ETS1: variants seen among roughly 807,000 people sequenced by gnomAD.
ETS1 encodes the protein protein C-ets-1.
A neutral mutation model predicts 58.6 loss-of-function variants in ETS1; 15 were observed. The observed-to-expected ratio is 0.26, with a 90% confidence interval of 0.17 to 0.39. ETS1 has a LOEUF of 0.39. ETS1 is among the 10% of genes least tolerant of loss of function. The pLI is 1.00. For synonymous variants in ETS1, 214 were observed against 218.2 expected, an observed-to-expected ratio of 0.98 and a Z score of 0.17; for missense variants, 417 against 610.5, an observed-to-expected ratio of 0.68 and a Z score of 3.34.
At position 128,486,102 on chromosome 11, in the gene ETS1, G is replaced by C; in HGVS notation, c.580C>G (p.Pro194Ala). ...YQVNGVNPAY[P>A]ESRYTSDYFI... ...TAATCCGAGGTATAGCGGGATTCTGGATAGGCTGGGTTGACTCCATTAACT... is the reference window on the plus strand; with the variant it reads ...TAATCCGAGGTATAGCGGGATTCTGCATAGGCTGGGTTGACTCCATTAACT... The change falls in exon 6 of 10, where the codon CCA becomes GCA. Residue 194 changes from proline (P) to alanine (A), a missense_variant. Pro to Ala is a conservative substitution (Grantham distance 27). This residue lies in a region of ETS1 where 132 missense variants were observed against 212.1 expected (regional missense o/e 0.62). Coordinates refer to ENST00000392668, the MANE Select transcript of ETS1 (RefSeq NM_001143820.2). 1 of 1,611,834 alleles carries C rather than the reference G, an allele frequency of 6.2e-7. No individual in the cohort carries two copies. The highest frequency in any genetic ancestry group is 8.5e-7 in the Non-Finnish European group (1 of 1,177,998).
At chr11:128,577,059 C>G (rs1321678900) in intron 1 of ETS1, among the ~76,000 whole-genome samples, 1 of 152,212 alleles carries the variant, frequency 6.6e-6, no homozygotes, top group Admixed American at 6.5e-5. Context: ...TGAAGGCAGG[C>G]ACCATGCCTT....
chr11:128,481,300 A>T (rs1261553468), intron 7 of ETS1, among the ~76,000 whole-genome samples: 1 of 152,226 alleles, frequency 6.6e-6, no homozygotes, highest in Non-Finnish European at 1.5e-5. Context: ...AGGCATTCTT[A>T]ACTGACCACA....
intron 3 of ETS1, among the ~76,000 whole-genome samples, chr11:128,490,972 G>A (rs935300564): frequency 2.0e-5 from 3 of 151,786 alleles, no homozygotes; most frequent in Non-Finnish European, 4.4e-5. Context: ...CACCTGCCTC[G>A]GCCTCCCAAA....
chr11:128,532,978 T>G (rs1357142040), intron 3 of ETS1, among the ~76,000 whole-genome samples: 1 of 152,200 alleles, frequency 6.6e-6, no homozygotes, highest in Non-Finnish European at 1.5e-5. Flanking sequence ...CTGATTAGCT[T>G]TCCTCTGTCA....
intron 8 of ETS1, among the ~76,000 whole-genome samples, chr11:128,471,553 C>G (rs1157348770): frequency 6.6e-6 from 1 of 152,248 alleles, no homozygotes; most frequent in Non-Finnish European, 1.5e-5. Context: ...CAAACTTGGA[C>G]AGTGAGCCAG....
At chr11:128,584,702 A>C (rs542379171) in intron 1 of ETS1, among the ~76,000 whole-genome samples, 2 of 152,298 alleles carry the variant, frequency 1.3e-5, no homozygotes, top group East Asian at 3.9e-4. Flanking sequence ...ATGAGGAAGC[A>C]AAAAGTAAGT....
At chr11:128,474,711 T>A (rs1200670304) in intron 8 of ETS1, among the ~76,000 whole-genome samples, 3 of 152,158 alleles carry the variant, frequency 2.0e-5, no homozygotes, top group African/African-American at 7.2e-5. Context: ...GTGAATGGAA[T>A]CCCTGCCAGC....
chr11:128,508,071 G>A (rs542302376), intron 3 of ETS1, among the ~76,000 whole-genome samples: 20 of 152,308 alleles, frequency 1.3e-4, no homozygotes, highest in Admixed American at 2.0e-4. Context: ...GTAAGAATGC[G>A]TGAGAGGCAT....
At chr11:128,535,585 T>C (rs1412892096) in intron 3 of ETS1, among the ~76,000 whole-genome samples, 1 of 152,218 alleles carries the variant, frequency 6.6e-6, no homozygotes, top group Non-Finnish European at 1.5e-5. Flanking sequence ...AAAATAGATT[T>C]TGAACTCTGC....
intron 3 of ETS1, chr11:128,526,916 AATT>A (rs1264617744): frequency 2.2e-6 from 1 of 456,102 alleles, no homozygotes; most frequent in Non-Finnish European, 4.4e-6. Flanking sequence ...TGAGTGAGGA[AATT>A]ATTATTTCCA....
chr11:128,464,355 G>GACACACACACAC lies in ETS1; in HGVS notation c.1124-740_1124-729dup, dbSNP rs58228263. On this transcript the variant is annotated intron_variant, in intron 8 of 9. Transcript: ENST00000392668. This position sits in a 1 kb window ranked among gnomAD's most constrained non-coding sequence, Gnocchi z 4.1. ...CATAGGTTCAGTATATTCTAAATTAGACACACACACACACACACACACACA... is the reference window on the plus strand; with the variant it reads ...CATAGGTTCAGTATATTCTAAATTAGACACACACACACACACACACACACACACACACACACA... 1.9e-4 allele frequency among the ~76,000 whole-genome samples: 28 copies of GACACACACACAC among 145,014 alleles called. No homozygotes were observed. Among genetic ancestry groups the GACACACACACAC allele is most frequent in the South Asian group, 2.3e-4 (1 of 4,360 alleles).
intron 3 of ETS1, among the ~76,000 whole-genome samples, chr11:128,517,259 G>A (rs949729506): frequency 1.3e-5 from 2 of 152,190 alleles, no homozygotes; most frequent in South Asian, 2.1e-4. Context: ...CCAAAGCACC[G>A]ACCAGCATTG....
chr11:128,497,690 G>A, intron 3 of ETS1: 1 of 491,268 alleles, frequency 2.0e-6, no homozygotes, highest in Non-Finnish European at 2.6e-6. Context: ...AGACAAAAGG[G>A]ATTGCAGGCA....
At chr11:128,476,263 G>A (rs764180767) in intron 8 of ETS1, among the ~76,000 whole-genome samples, 5 of 152,178 alleles carry the variant, frequency 3.3e-5, no homozygotes, top group East Asian at 1.9e-4. Context: ...AATTCTGGAC[G>A]GAAGCCAAGG....
At chr11:128,567,445 A>G (rs1034554014) in intron 2 of ETS1, among the ~76,000 whole-genome samples, 2 of 152,252 alleles carry the variant, frequency 1.3e-5, no homozygotes, top group African/African-American at 4.8e-5. Flanking sequence ...TCCAATTTAT[A>G]CAACATTGAA....
In ETS1 at chr11:128,537,766, T is replaced by TC. The variant is rs138162261; in HGVS notation, c.214+18524dup. Among the ~76,000 whole-genome samples the TC allele has an allele frequency of 6.1e-3, 930 of 152,280 alleles. 8 individuals are homozygous for TC. Among genetic ancestry groups the TC allele is most frequent in the African/African-American group, 0.021 (881 of 41,552 alleles). On this transcript the variant is annotated intron_variant, in intron 3 of 9. Transcript: ENST00000392668. ...GTAATAACATGTTCCAATAGAGACT[T>TC]CAAGACAAATAGGACATAGCATTAC...
intron 3 of ETS1, among the ~76,000 whole-genome samples, chr11:128,505,581 C>A (rs1037860482): frequency 2.0e-5 from 3 of 152,166 alleles, no homozygotes; most frequent in African/African-American, 7.2e-5. Context: ...CTCGCCCACA[C>A]GGACCCAGGG....
intron 2 of ETS1, among the ~76,000 whole-genome samples, chr11:128,563,918 T>C (rs1864446364): frequency 6.6e-6 from 1 of 152,204 alleles, no homozygotes; most frequent in Non-Finnish European, 1.5e-5. Flanking sequence ...CCCTTCCTCC[T>C]GGTTGCATGT....
chr11:128,555,396 C>A (rs890074446), intron 3 of ETS1, among the ~76,000 whole-genome samples: 9 of 152,176 alleles, frequency 5.9e-5, no homozygotes, highest in African/African-American at 1.9e-4. Context: ...CCCTGCCATG[C>A]CCTGCCCAGG....
Sources: allele counts gnomAD v4.1 joint callset (sites outside exome capture counted in the v4.1 genomes callset), GRCh38; gene constraint gnomAD v4.1.1; regional missense constraint gnomAD v4.1.1; non-coding constraint Gnocchi (gnomAD v3.1); transcripts MANE v1.5; gene names NCBI Gene and HGNC (gene_info 2026-07-23, HGNC 2026-07-21).